Variants in IGF2BP2 observed in about 807,000 individuals in gnomAD.
IGF2BP2 encodes insulin-like growth factor 2 mRNA-binding protein 2.
In IGF2BP2, 17 loss-of-function variants were observed where a neutral mutation model predicts 75.8. The observed-to-expected ratio is 0.22, with a 90% confidence interval of 0.15 to 0.34. The LOEUF (loss-of-function observed/expected upper bound fraction) is 0.34. Among genes scored for constraint, IGF2BP2 ranks in the 10% least tolerant of loss-of-function variants. The pLI is 1.00. For synonymous variants in IGF2BP2, 288 were observed against 295.6 expected, an observed-to-expected ratio of 0.97 and a Z score of 0.26; for missense variants, 516 against 772.4, an observed-to-expected ratio of 0.67 and a Z score of 3.93.
intron 2 of IGF2BP2, among the ~76,000 whole-genome samples, chr3:185,783,375 GGAA>G (rs1329486506): frequency 1.3e-5 from 2 of 152,094 alleles, no homozygotes; most frequent in Admixed American, 6.5e-5. Flanking sequence ...TCTGCACAGG[GGAA>G]GAAGGACTTA....
At chr3:185,680,435 C>T (rs1016742961) in intron 7 of IGF2BP2, among the ~76,000 whole-genome samples, 3 of 152,192 alleles carry the variant, frequency 2.0e-5, no homozygotes, top group Admixed American at 2.0e-4. Flanking sequence ...GAGGAGGGAA[C>T]ATTTCCAAGC....
At chr3:185,743,368 C>T (rs1006694178) in intron 2 of IGF2BP2, among the ~76,000 whole-genome samples, 1 of 152,066 alleles carries the variant, frequency 6.6e-6, no homozygotes, top group Non-Finnish European at 1.5e-5. Context: ...CTCCATCTTC[C>T]AGGTTCAAGT....
At chr3:185,777,195 C>A (rs1015234843) in intron 2 of IGF2BP2, among the ~76,000 whole-genome samples, 3 of 152,110 alleles carry the variant, frequency 2.0e-5, no homozygotes, top group African/African-American at 7.2e-5. Context: ...TGATGTGTAA[C>A]AAAACCAATT....
chr3:185,722,160 C>T (rs1241857021), intron 2 of IGF2BP2: 8 of 444,510 alleles, frequency 1.8e-5, no homozygotes, highest in Non-Finnish European at 3.1e-5. Flanking sequence ...TCTCAAATTC[C>T]TGGCCTCAAG....
At chr3:185,742,437 A>C (rs750369116) in intron 2 of IGF2BP2, among the ~76,000 whole-genome samples, 6 of 152,042 alleles carry the variant, frequency 3.9e-5, no homozygotes, top group Non-Finnish European at 1.5e-5. Context: ...TGGAGGTTGC[A>C]GTGAGCCGAG....
At chr3:185,722,733 G>A (rs1156984381) in intron 2 of IGF2BP2, among the ~76,000 whole-genome samples, 2 of 152,100 alleles carry the variant, frequency 1.3e-5, no homozygotes, top group East Asian at 1.9e-4. Context: ...CAGGGCTGGC[G>A]GGTAGAGAAC....
chr3:185,796,544 GAC>G, intron 2 of IGF2BP2, among the ~76,000 whole-genome samples: 1 of 127,240 alleles, frequency 7.9e-6, no homozygotes, highest in African/African-American at 3.0e-5. Context: ...CAGCCTGGGT[GAC>G]AGAGTGACAT....
Position 185,647,666 on chromosome 3 carries a change from C to A in IGF2BP2, c.1594-528G>T, listed in dbSNP as rs1713828844. On this transcript the variant is annotated intron_variant, in intron 14 of 15. Coordinates refer to ENST00000382199, the MANE Select transcript of IGF2BP2 (RefSeq NM_006548.6). This position sits in a 1 kb window ranked among gnomAD's most constrained non-coding sequence, Gnocchi z 4.9. ...CTTGGATTGTTGTCCTCTCTCCCGG[C>A]CACTGGATCCCACCCCAGGCCCACC... Among the ~76,000 whole-genome samples, 1 of 152,216 alleles carries A rather than the reference C, an allele frequency of 6.6e-6. No individual in the cohort carries two copies.
chr3:185,669,472 G>A (rs1718178257), intron 10 of IGF2BP2, among the ~76,000 whole-genome samples: 1 of 145,886 alleles, frequency 6.9e-6, no homozygotes, highest in East Asian at 2.1e-4. Flanking sequence ...TAGGATCAGA[G>A]AAATGTGTTT....
intron 7 of IGF2BP2, among the ~76,000 whole-genome samples, chr3:185,684,444 G>A (rs554126066): frequency 2.1e-4 from 32 of 150,016 alleles, no homozygotes; most frequent in Non-Finnish European, 4.0e-4. Flanking sequence ...TCGCTCTGTC[G>A]CCCAGGCTGG....
At chr3:185,698,043 T>C (rs1233393742) in intron 3 of IGF2BP2, among the ~76,000 whole-genome samples, 1 of 152,234 alleles carries the variant, frequency 6.6e-6, no homozygotes, top group Non-Finnish European at 1.5e-5. Flanking sequence ...ATTTTGTTTC[T>C]TGGCTTATTT....
chr3:185,810,798 ACT>A (rs2150008158), intron 2 of IGF2BP2, among the ~76,000 whole-genome samples: 1 of 151,962 alleles, frequency 6.6e-6, no homozygotes, highest in Non-Finnish European at 1.5e-5. Context: ...AAAAACAAAA[ACT>A]AAAAAACAAA....
intron 2 of IGF2BP2, among the ~76,000 whole-genome samples, chr3:185,789,785 A>G (rs2149851592): frequency 6.9e-6 from 1 of 145,314 alleles, no homozygotes; most frequent in Admixed American, 7.0e-5. Flanking sequence ...CCAGGCTGTA[A>G]TGCAGTGGCA....
At chr3:185,650,804 G>T (rs963027656) in intron 13 of IGF2BP2, among the ~76,000 whole-genome samples, 5 of 152,054 alleles carry the variant, frequency 3.3e-5, no homozygotes, top group Non-Finnish European at 5.9e-5. Context: ...CATAACTATT[G>T]GGAGTTAGTT....
intron 2 of IGF2BP2, among the ~76,000 whole-genome samples, chr3:185,739,878 A>C (rs1729327126): frequency 1.8e-5 from 1 of 57,104 alleles, no homozygotes; most frequent in African/African-American, 7.4e-5. Flanking sequence ...ACCCCGAGAC[A>C]AGGTCTCACT....
intron 2 of IGF2BP2, among the ~76,000 whole-genome samples, chr3:185,723,281 A>G (rs1480574992): frequency 6.6e-6 from 1 of 152,204 alleles, no homozygotes; most frequent in African/African-American, 2.4e-5. Flanking sequence ...CTTGGAAATG[A>G]TCATATTTCC....
intron 2 of IGF2BP2, among the ~76,000 whole-genome samples, chr3:185,817,902 G>C (rs1740811306): frequency 6.6e-6 from 1 of 152,136 alleles, no homozygotes; most frequent in Non-Finnish European, 1.5e-5. Context: ...GTTAATCATA[G>C]CTTTTGAGAG....
rs77090101 is a variant in IGF2BP2 at position 185,656,785 on chromosome 3, C to T, written c.1386+501G>A. The stretch of plus-strand genomic sequence containing the variant: ...CGCAGCCTTTCCATAAGTCAAGGAC[C>T]GTCCTTCCTGAGTTGCTATGCTCAG... On this transcript the variant is annotated intron_variant, in intron 12 of 15. Coordinates refer to ENST00000382199, the MANE Select transcript of IGF2BP2 (RefSeq NM_006548.6). 3.4e-3 allele frequency among the ~76,000 whole-genome samples: 521 copies of T among 152,336 alleles called. 5 individuals carry two copies. The highest frequency in any genetic ancestry group is 0.012 in the African/African-American group (486 of 41,574).
At chr3:185,775,820 T>C (rs1399935232) in intron 2 of IGF2BP2, among the ~76,000 whole-genome samples, 2 of 152,136 alleles carry the variant, frequency 1.3e-5, no homozygotes, top group African/African-American at 4.8e-5. Context: ...ACTAATAAAA[T>C]GTAAAGGTAT....
Sources: allele counts gnomAD v4.1 joint callset (sites outside exome capture counted in the v4.1 genomes callset), GRCh38; gene constraint gnomAD v4.1.1; non-coding constraint Gnocchi (gnomAD v3.1); transcripts MANE v1.5; gene names NCBI Gene and HGNC (gene_info 2026-07-23, HGNC 2026-07-21).